KYAT1: variants seen among roughly 807,000 people sequenced by gnomAD.
KYAT1 encodes the protein kynurenine aminotransferase 1.
Under a neutral mutation model 52.4 loss-of-function variants are expected in KYAT1, and 47 were observed. The ratio of observed to expected loss-of-function variants is 0.90; its 90% confidence interval spans 0.71 to 1.14. KYAT1 has a LOEUF of 1.14. Among genes scored for constraint, KYAT1 ranks in the 50% most tolerant of loss-of-function variants. The pLI is 0.00. For synonymous variants in KYAT1, 212 were observed against 209.6 expected, an observed-to-expected ratio of 1.01 and a Z score of -0.10; for missense variants, 480 against 557.9, an observed-to-expected ratio of 0.86 and a Z score of 1.41.
intron 1 of KYAT1, among the ~76,000 whole-genome samples, chr9:128,866,664 CT>C (rs1321249001): frequency 6.6e-6 from 1 of 151,382 alleles, no homozygotes; most frequent in Non-Finnish European, 1.5e-5. Context: ...AATCCCAGCA[CT>C]TTAGGAGGCT....
At chr9:128,849,202 A>G (rs1833560639) in intron 1 of KYAT1, among the ~76,000 whole-genome samples, 1 of 151,100 alleles carries the variant, frequency 6.6e-6, no homozygotes, top group African/African-American at 2.4e-5. Flanking sequence ...ACCTGAGGTC[A>G]GGAGTTCGAT....
chr9:128,874,458 C>T (rs572350076), intron 1 of KYAT1, among the ~76,000 whole-genome samples: 155 of 150,774 alleles, frequency 1.0e-3, no homozygotes, highest in African/African-American at 3.4e-3. Flanking sequence ...ACAATAAGCA[C>T]GAACCACCAT....
chr9:128,853,972 C>G (rs1834277544), intron 1 of KYAT1, among the ~76,000 whole-genome samples: 1 of 152,238 alleles, frequency 6.6e-6, no homozygotes, highest in Non-Finnish European at 1.5e-5. Flanking sequence ...TTCATATGGG[C>G]AACCTGCCAG....
rs1193554979 is a variant in KYAT1, at chr9:128,872,304, C to T, written c.-7+9593G>A. 1.6e-4 allele frequency among the ~76,000 whole-genome samples: 24 copies of T among 151,282 alleles called. 1 individual carries two copies. Among genetic ancestry groups the T allele is most frequent in the African/African-American group, 5.8e-4 (24 of 41,070 alleles). On this transcript the variant is annotated intron_variant, in intron 1 of 12. Transcript: ENST00000302586. ...CTAAAAATACAAAAAATTAGCCAGGCGTGGTGGCGTGCACCTGTAGTCCCA... is the reference window on the plus strand; with the variant it reads ...CTAAAAATACAAAAAATTAGCCAGGTGTGGTGGCGTGCACCTGTAGTCCCA...
Position 128,847,651 on chromosome 9 carries a change from T to C in KYAT1, c.-6-2240A>G, listed in dbSNP as rs190920516. On this transcript the variant is annotated intron_variant, in intron 1 of 12. Transcript: ENST00000302586. ...GGTCCCCCACACACAGCTCTAACAA[T>C]AACAACAACAACAACAACAACAACA... The C allele has an allele frequency of 0.011, 5,917 of 554,508 alleles. 229 individuals are homozygous for C. The East Asian group carries it at 0.11, about 10-fold the overall frequency. 34.3% of individuals were successfully genotyped at this position (554,508 alleles called of 1,614,324 possible). A position where few individuals can be genotyped will look rare whatever the true frequency, so the allele number is the denominator to read the frequency against.
chr9:128,871,580 T>C (rs1278596773), intron 1 of KYAT1, among the ~76,000 whole-genome samples: 2 of 151,646 alleles, frequency 1.3e-5, no homozygotes, highest in Non-Finnish European at 2.9e-5. Context: ...GGTGTGGTGG[T>C]GCATGCCTGT....
intron 1 of KYAT1, among the ~76,000 whole-genome samples, chr9:128,848,078 G>A (rs1160272407): frequency 1.3e-5 from 2 of 152,192 alleles, no homozygotes; most frequent in Non-Finnish European, 2.9e-5. Flanking sequence ...TCAGCACTTT[G>A]GGAGGCCAAA....
intron 6 of KYAT1, 112 bp downstream of exon 6, chr9:128,837,573 G>T: frequency 8.0e-7 from 1 of 1,252,998 alleles, no homozygotes; most frequent in Non-Finnish European, 1.1e-6. Flanking sequence ...CATTGTGTGT[G>T]GCCCTCCCAC....
intron 1 of KYAT1, among the ~76,000 whole-genome samples, chr9:128,874,083 C>G (rs1181560021): frequency 6.6e-6 from 1 of 151,146 alleles, no homozygotes; most frequent in Non-Finnish European, 1.5e-5. Context: ...TGGTGAAACC[C>G]CGTCTCTATT....
chr9:128,873,945 C>CA (rs55713807), intron 1 of KYAT1, among the ~76,000 whole-genome samples: 40 of 105,854 alleles, frequency 3.8e-4, no homozygotes, highest in East Asian at 1.4e-3. Context: ...ATCTCCGTCT[C>CA]AAAAAAAAAA....
intron 1 of KYAT1, among the ~76,000 whole-genome samples, chr9:128,865,105 A>G (rs1836023205): frequency 6.8e-6 from 1 of 147,400 alleles, no homozygotes; most frequent in Admixed American, 6.8e-5. Flanking sequence ...GCACGTCTGT[A>G]GTCCCAGCTA....
At chr9:128,879,929 CA>C (rs1838570464) in intron 1 of KYAT1, among the ~76,000 whole-genome samples, 1 of 152,210 alleles carries the variant, frequency 6.6e-6, no homozygotes, top group African/African-American at 2.4e-5. Context: ...GTCCCCCAGG[CA>C]TTAGCACAGA....
At chr9:128,850,219 C>T (rs565540992) in intron 1 of KYAT1, among the ~76,000 whole-genome samples, 6 of 152,178 alleles carry the variant, frequency 3.9e-5, no homozygotes, top group East Asian at 1.9e-4. Context: ...TGACTTCAAG[C>T]GATCCTCCTT....
chr9:128,868,109 A>G (rs1836672410), intron 1 of KYAT1, among the ~76,000 whole-genome samples: 2 of 151,928 alleles, frequency 1.3e-5, no homozygotes, highest in Non-Finnish European at 2.9e-5. Context: ...TGGTATTACC[A>G]TAAAGACAGA....
chr9:128,837,902 G>T, intron 5 of KYAT1, 89 bp from the exon 6 acceptor site: 17 of 1,527,622 alleles, frequency 1.1e-5, no homozygotes, highest in Non-Finnish European at 1.4e-5. Context: ...CTCTCCCCTG[G>T]GATCCCAACA....
chr9:128,872,542 C>T (rs911873539), intron 1 of KYAT1, among the ~76,000 whole-genome samples: 8 of 151,526 alleles, frequency 5.3e-5, no homozygotes, highest in East Asian at 3.9e-4. Context: ...CCGAGGTGGG[C>T]GGATCACCTG....
At chr9:128,845,027 T>TA (rs1832844797) in intron 2 of KYAT1, among the ~76,000 whole-genome samples, 1 of 152,336 alleles carries the variant, frequency 6.6e-6, no homozygotes, top group East Asian at 1.9e-4. Context: ...GGCCTTAGCT[T>TA]GGTGCCTGGG....
At chr9:128,834,773 A>G (rs550845348) in intron 11 of KYAT1, among the ~76,000 whole-genome samples, 2 of 139,334 alleles carry the variant, frequency 1.4e-5, no homozygotes, top group South Asian at 4.8e-4. Flanking sequence ...TGGAGGTTGC[A>G]GTGTGCTGAG....
intron 1 of KYAT1, among the ~76,000 whole-genome samples, chr9:128,849,745 G>A (rs866218879): frequency 1.4e-5 from 2 of 147,792 alleles, no homozygotes; most frequent in Non-Finnish European, 3.0e-5. Context: ...GCAGTGAGCC[G>A]AGATCACGCC....
Sources: allele counts gnomAD v4.1 joint callset (sites outside exome capture counted in the v4.1 genomes callset), GRCh38; gene constraint gnomAD v4.1.1; transcripts MANE v1.5; gene names NCBI Gene and HGNC (gene_info 2026-07-23, HGNC 2026-07-21).